Variants in LRRC37A2 observed in about 807,000 individuals in gnomAD.
The protein encoded by LRRC37A2 is leucine rich repeat containing 37 member A2.
Under a neutral mutation model 68.8 loss-of-function variants are expected in LRRC37A2, and 9 were observed. The ratio of observed to expected loss-of-function variants is 0.13; its 90% CI spans 0.08 to 0.23. LRRC37A2 has a LOEUF of 0.23. Among genes scored for constraint, LRRC37A2 ranks in the 10% least tolerant of loss-of-function variants. The pLI is 1.00. For synonymous variants in LRRC37A2, 63 were observed against 367.6 expected (o/e 0.17, Z 9.48); for missense variants, 168 against 950.4 (o/e 0.18, Z 10.82).
chr17:46,791,881 C>T, the LRRC37A2 span, among the ~76,000 whole-genome samples: 1 of 152,044 alleles, frequency 6.6e-6, no homozygotes, highest in South Asian at 2.1e-4. Flanking sequence ...CTCTACAAAA[C>T]ACAGAAAAAT....
chr17:46,847,972 G>GTGTGTGTGTGTGTC, the LRRC37A2 span, among the ~76,000 whole-genome samples: 1 of 99,298 alleles, frequency 1.0e-5, no homozygotes, highest in African/African-American at 3.8e-5. Context: ...TCCAAAGTGT[G>GTGTGTGTGTGTGTC]TGTGTGTGTG....
At chr17:46,729,752 A>G in the LRRC37A2 span, among the ~76,000 whole-genome samples, 1 of 152,206 alleles carries the variant, frequency 6.6e-6, no homozygotes, top group East Asian at 1.9e-4. Context: ...ATCTGTAAGG[A>G]AAATATTTAC....
chr17:46,715,111 C>T, the LRRC37A2 span, among the ~76,000 whole-genome samples: 1 of 152,088 alleles, frequency 6.6e-6, no homozygotes, highest in East Asian at 1.9e-4. Context: ...TGGAGGAAGC[C>T]GAACTTGTAG....
the LRRC37A2 span, among the ~76,000 whole-genome samples, chr17:46,622,285 GTC>G: frequency 6.9e-6 from 1 of 145,854 alleles, no homozygotes; most frequent in Non-Finnish European, 1.5e-5. Flanking sequence ...GTGAAACCCT[GTC>G]TCTGATGAAA....
the LRRC37A2 span, among the ~76,000 whole-genome samples, chr17:46,861,379 C>T: frequency 2.1e-4 from 32 of 152,294 alleles, no homozygotes; most frequent in East Asian, 5.8e-3. Flanking sequence ...TGGTGGGCAG[C>T]GTCCTCTCCC....
At chr17:46,950,681 C>G in the LRRC37A2 span, among the ~76,000 whole-genome samples, 1 of 152,142 alleles carries the variant, frequency 6.6e-6, no homozygotes, top group East Asian at 1.9e-4. Flanking sequence ...ACCATCCTGC[C>G]TGCCCGGGGC....
chr17:46,767,575 C>G, the LRRC37A2 span, among the ~76,000 whole-genome samples: 1 of 152,132 alleles, frequency 6.6e-6, no homozygotes, highest in Non-Finnish European at 1.5e-5. Flanking sequence ...AAAGCTGAGG[C>G]CCAGAAAAGT....
the LRRC37A2 span, chr17:46,729,085 T>A: frequency 7.4e-6 from 4 of 543,858 alleles, no homozygotes; most frequent in Non-Finnish European, 1.3e-5. Flanking sequence ...TTGACTTCTG[T>A]TTAAGGTAAA....
chr17:46,568,797 G>A, the LRRC37A2 span, among the ~76,000 whole-genome samples: 1 of 100,402 alleles, frequency 1.0e-5, no homozygotes, highest in Non-Finnish European at 1.9e-5. Flanking sequence ...AAAAAAAAAA[G>A]GAAAAAAAAA....
the LRRC37A2 span, among the ~76,000 whole-genome samples, chr17:47,027,399 G>T: frequency 6.6e-5 from 10 of 152,152 alleles, no homozygotes; most frequent in Non-Finnish European, 1.3e-4. Flanking sequence ...AGAGGTATGG[G>T]TAGGGTTAGG....
the LRRC37A2 span, among the ~76,000 whole-genome samples, chr17:46,777,827 G>T: frequency 6.6e-6 from 1 of 152,332 alleles, no homozygotes; most frequent in South Asian, 2.1e-4. Flanking sequence ...CTCCCAGTGT[G>T]ATGTCCTCTG....
chr17:46,847,848 G>T, the LRRC37A2 span, among the ~76,000 whole-genome samples: 1 of 152,208 alleles, frequency 6.6e-6, no homozygotes, highest in African/African-American at 2.4e-5. Flanking sequence ...TTTCAGGCAG[G>T]GTGGGCTGGC....
the LRRC37A2 span, among the ~76,000 whole-genome samples, chr17:46,874,363 A>T: frequency 3.9e-5 from 6 of 152,114 alleles, no homozygotes; most frequent in Admixed American, 1.3e-4. Flanking sequence ...GGGCCTCAGA[A>T]ATGGGCCCAT....
At chr17:46,973,461 CCTCTGTTG>C in the LRRC37A2 span, among the ~76,000 whole-genome samples, 1 of 152,230 alleles carries the variant, frequency 6.6e-6, no homozygotes, top group South Asian at 2.1e-4. Flanking sequence ...CCACACCTAG[CCTCTGTTG>C]CTTCGTTGTT....
chr17:46,543,213 C>T (rs1248695692), intron 8 of LRRC37A2, among the ~76,000 whole-genome samples: 1 of 150,568 alleles, frequency 6.6e-6, no homozygotes, highest in Admixed American at 6.6e-5. Flanking sequence ...TATTGGAAGT[C>T]TTCAGGAGTT....
At chr17:46,738,143 A>C in the LRRC37A2 span, among the ~76,000 whole-genome samples, 1 of 152,070 alleles carries the variant, frequency 6.6e-6, no homozygotes, top group African/African-American at 2.4e-5. Flanking sequence ...CATGTTACCC[A>C]GGCTGGTCTC....
chr17:46,534,207 A>T (rs558914482), intron 6 of LRRC37A2, among the ~76,000 whole-genome samples: 1 of 140,664 alleles, frequency 7.1e-6, no homozygotes, highest in African/African-American at 2.7e-5. Context: ...GTTTTTTTTA[A>T]TTTTTTTTTA....
the LRRC37A2 span, chr17:47,021,901 G>C: frequency 1.3e-6 from 2 of 1,527,510 alleles, no homozygotes; most frequent in Non-Finnish European, 1.8e-6. Context: ...TATGGAAAGT[G>C]TACAGTTGGA....
the LRRC37A2 span, among the ~76,000 whole-genome samples, chr17:46,865,782 T>C: frequency 1.3e-5 from 2 of 152,090 alleles, no homozygotes; most frequent in Non-Finnish European, 2.9e-5. Context: ...ATTTTTTAAT[T>C]TTTAATTTTG....
Sources: gnomAD v4.1 joint callset for allele counts (sites outside exome capture counted in the v4.1 genomes callset) on GRCh38, gnomAD v4.1.1 for gene constraint, MANE v1.5 for transcripts, NCBI Gene and HGNC (gene_info 2026-07-23, HGNC 2026-07-21) for gene names.